Variants in ITGA9 observed in about 807,000 individuals in gnomAD.
ITGA9 encodes the protein integrin alpha-9.
Under a neutral mutation model 127.8 loss-of-function variants are expected in ITGA9, and 56 were observed. The ratio of observed to expected loss-of-function variants is 0.44; its 90% CI spans 0.35 to 0.55. The LOEUF is 0.55. Among genes scored for constraint, ITGA9 ranks in the 20% least tolerant of loss-of-function variants. The pLI is 0.00. For synonymous variants in ITGA9, 508 were observed against 514.5 expected (o/e 0.99, Z 0.17); for missense variants, 1,196 against 1,347.1 (o/e 0.89, Z 1.76).
chr3:37,488,701 G>A (rs1428671124), intron 4 of ITGA9, among the ~76,000 whole-genome samples: 1 of 151,732 alleles, frequency 6.6e-6, no homozygotes, highest in Non-Finnish European at 1.5e-5. Flanking sequence ...GGGAGGGTGA[G>A]GCACGAGAAT....
intron 18 of ITGA9, among the ~76,000 whole-genome samples, chr3:37,710,497 C>T (rs1314860425): frequency 6.6e-6 from 1 of 152,212 alleles, no homozygotes; most frequent in Non-Finnish European, 1.5e-5. Context: ...TGATCCTGGG[C>T]TCGCAGGGCT....
At chr3:37,619,976 C>G (rs748126678) in intron 15 of ITGA9, among the ~76,000 whole-genome samples, 11 of 152,332 alleles carry the variant, frequency 7.2e-5, no homozygotes, top group South Asian at 4.1e-4. Context: ...AGCTATTCCT[C>G]CCTGTGAAAG....
intron 17 of ITGA9, among the ~76,000 whole-genome samples, chr3:37,666,251 TG>T (rs1700585340): frequency 6.6e-6 from 1 of 152,208 alleles, no homozygotes; most frequent in Admixed American, 6.5e-5. Context: ...GACAAGGATT[TG>T]AGTGCAAATA....
At chr3:37,474,540 TG>T (rs1430294174) in intron 3 of ITGA9, among the ~76,000 whole-genome samples, 3 of 139,332 alleles carry the variant, frequency 2.2e-5, no homozygotes, top group East Asian at 2.0e-4. Flanking sequence ...CACAGCCCGA[TG>T]GGTTTTCACG....
chr3:37,566,414 A>G (rs1331917459), intron 15 of ITGA9, among the ~76,000 whole-genome samples: 1 of 152,242 alleles, frequency 6.6e-6, no homozygotes, highest in Non-Finnish European at 1.5e-5. Flanking sequence ...GAACTACTCT[A>G]TGGAAAGATT....
intron 15 of ITGA9, among the ~76,000 whole-genome samples, chr3:37,579,124 G>C (rs546335165): frequency 6.6e-6 from 1 of 152,170 alleles, no homozygotes; most frequent in South Asian, 2.1e-4. Context: ...CAGGGAAGCC[G>C]TCTCATGAGC....
In ITGA9 at chr3:37,591,120, A is replaced by G. The variant is rs528075571; in HGVS notation, c.1690-38067A>G. 2.4e-3 allele frequency among the ~76,000 whole-genome samples: 359 copies of G among 152,120 alleles called. 1 individual carries two copies. The highest frequency in any genetic ancestry group is 8.2e-3 in the African/African-American group (341 of 41,502). On this transcript the variant is annotated intron_variant, in intron 15 of 27. Transcript: ENST00000264741. ...CTGCCCCTGGGCTCCAGGGCTCTCG[A>G]TTTTTGGGGTAAACAGAGGTGCTGG... is the stretch of plus-strand genomic sequence containing the variant.
chr3:37,795,324 G>A (rs1697158778), intron 26 of ITGA9, among the ~76,000 whole-genome samples: 1 of 152,168 alleles, frequency 6.6e-6, no homozygotes, highest in African/African-American at 2.4e-5. Context: ...GCCTTGTGGA[G>A]ACATGGGCAT....
In ITGA9 at chr3:37,542,507, G is replaced by T; in HGVS notation, c.1611G>T (p.Glu537Asp). Residue 537 changes from glutamate to aspartate, a missense_variant, in exon 15 of 28, where the codon GAG becomes GAT. Physicochemically the swap from Glu to Asp is conservative, Grantham distance 45. Coordinates refer to ENST00000264741, the MANE Select transcript of ITGA9 (RefSeq NM_002207.3). ...GGGTCTACTTTGTGCTGCTGGGAGA[G>T]ACCATGGGTCAGGTCACAGAGAAGC... Reference protein sequence around the residue: ...MPRVYFVLLGETMGQVTEKLQ... With the variant: ...MPRVYFVLLGDTMGQVTEKLQ... The T allele has an allele frequency of 6.2e-7, 1 of 1,614,118 alleles. No homozygotes were observed. The highest frequency in any genetic ancestry group is 1.1e-5 in the South Asian group (1 of 91,076).
intron 16 of ITGA9, among the ~76,000 whole-genome samples, chr3:37,631,452 G>A (rs968754784): frequency 3.9e-5 from 6 of 152,202 alleles, no homozygotes; most frequent in African/African-American, 1.4e-4. Context: ...GTCACTTCTG[G>A]TTCCAGATGG....
chr3:37,666,256 G>A (rs1700585362), intron 17 of ITGA9, among the ~76,000 whole-genome samples: 1 of 152,228 alleles, frequency 6.6e-6, no homozygotes, highest in Admixed American at 6.5e-5. Context: ...GGATTTGAGT[G>A]CAAATAATTG....
At chr3:37,712,762 T>C (rs985318021) in intron 18 of ITGA9, among the ~76,000 whole-genome samples, 4 of 152,152 alleles carry the variant, frequency 2.6e-5, no homozygotes, top group African/African-American at 9.7e-5. Flanking sequence ...AAAAATGTCA[T>C]AGAGTCTGAT....
chr3:37,461,901 AC>A (rs1698319806), intron 1 of ITGA9, among the ~76,000 whole-genome samples: 1 of 152,166 alleles, frequency 6.6e-6, no homozygotes, highest in Non-Finnish European at 1.5e-5. Flanking sequence ...TCCAGCTCCC[AC>A]CCCAGGCTCC....
chr3:37,455,830 G>C (rs779616986), intron 1 of ITGA9, among the ~76,000 whole-genome samples: 1 of 152,186 alleles, frequency 6.6e-6, no homozygotes, highest in African/African-American at 2.4e-5. Context: ...AGACCCCAAA[G>C]TCAGCACGGA....
intron 17 of ITGA9, among the ~76,000 whole-genome samples, chr3:37,682,044 G>A (rs9853293): frequency 1.1e-3 from 161 of 152,200 alleles, no homozygotes; most frequent in African/African-American, 3.5e-3. Context: ...ATTAATTGTT[G>A]CCTCTCTAAT....
chr3:37,742,860 T>C (rs1696455215), intron 21 of ITGA9, among the ~76,000 whole-genome samples: 1 of 152,236 alleles, frequency 6.6e-6, no homozygotes, highest in Non-Finnish European at 1.5e-5. Flanking sequence ...TGATGGAATA[T>C]ATTTGCAAAT....
At chr3:37,468,943 T>C (rs1253916019) in intron 1 of ITGA9, among the ~76,000 whole-genome samples, 1 of 152,282 alleles carries the variant, frequency 6.6e-6, no homozygotes, top group Non-Finnish European at 1.5e-5. Context: ...TGAAGTCTCA[T>C]TGTCCAAGAC....
At chr3:37,656,450 A>T (rs1284869833) in intron 17 of ITGA9, among the ~76,000 whole-genome samples, 4 of 152,102 alleles carry the variant, frequency 2.6e-5, no homozygotes, top group Non-Finnish European at 2.9e-5. Flanking sequence ...TTCTGTTTGT[A>T]GCAATTGTGA....
chr3:37,680,046 G>C (rs768773112), intron 17 of ITGA9, among the ~76,000 whole-genome samples: 5 of 152,202 alleles, frequency 3.3e-5, no homozygotes, highest in Admixed American at 6.5e-5. Flanking sequence ...GGACATGATA[G>C]TCAGGGGGCT....
Sources: gnomAD v4.1 joint callset for allele counts (sites outside exome capture counted in the v4.1 genomes callset) on GRCh38, gnomAD v4.1.1 for gene constraint, MANE v1.5 for transcripts, NCBI Gene and HGNC (gene_info 2026-07-23, HGNC 2026-07-21) for gene names.